Variants in CPQ observed in about 807,000 individuals in gnomAD.
CPQ encodes Ser-Met dipeptidase.
CPQ carries 37 observed loss-of-function variants against 45.7 expected under a neutral mutation model. The observed-to-expected ratio is 0.81, with a 90% CI of 0.62 to 1.07. CPQ has a LOEUF of 1.07. CPQ is among the 50% of genes least tolerant of loss of function. The pLI is 0.00. For missense variants in CPQ, 537 were observed against 572.9 expected (o/e 0.94, Z 0.64); for synonymous variants, 186 against 205.8 (o/e 0.90, Z 0.82).
intron 1 of CPQ, among the ~76,000 whole-genome samples, chr8:96,701,444 G>A (rs759220590): frequency 6.6e-6 from 1 of 152,072 alleles, no homozygotes; most frequent in Non-Finnish European, 1.5e-5. Flanking sequence ...TAGATGGGTG[G>A]GATCTGATGA....
At chr8:97,005,426 G>T (rs1331255081) in intron 5 of CPQ, among the ~76,000 whole-genome samples, 1 of 151,896 alleles carries the variant, frequency 6.6e-6, no homozygotes, top group Non-Finnish European at 1.5e-5. Flanking sequence ...TTGAAGCCAG[G>T]TGCAGTGGCT....
intron 5 of CPQ, among the ~76,000 whole-genome samples, chr8:97,010,824 T>G (rs1164564607): frequency 1.3e-5 from 2 of 152,200 alleles, no homozygotes; most frequent in Admixed American, 6.5e-5. Context: ...AACATCATTT[T>G]GAGTTTTTGT....
At chr8:97,090,607 C>T (rs1255545110) in intron 7 of CPQ, among the ~76,000 whole-genome samples, 1 of 152,168 alleles carries the variant, frequency 6.6e-6, no homozygotes, top group African/African-American at 2.4e-5. Flanking sequence ...TTCCCACACT[C>T]AGAACCTAGG....
At chr8:97,009,982 G>A (rs1809455840) in intron 5 of CPQ, among the ~76,000 whole-genome samples, 1 of 152,094 alleles carries the variant, frequency 6.6e-6, no homozygotes, top group Non-Finnish European at 1.5e-5. Context: ...CTCATTCCTT[G>A]TTTTCCTTGA....
intron 1 of CPQ, among the ~76,000 whole-genome samples, chr8:96,667,351 CTT>C (rs376559950): frequency 9.6e-5 from 13 of 134,976 alleles, no homozygotes; most frequent in Admixed American, 1.5e-4. Flanking sequence ...TTATCTTTTT[CTT>C]TTTTTTTTTT....
chr8:96,742,076 G>A (rs1430141940), intron 1 of CPQ, among the ~76,000 whole-genome samples: 1 of 143,712 alleles, frequency 7.0e-6, no homozygotes, highest in African/African-American at 2.6e-5. Context: ...ACAGTGGGGT[G>A]TTAAAGTCTC....
intron 7 of CPQ, among the ~76,000 whole-genome samples, chr8:97,089,336 G>T (rs918288462): frequency 3.3e-5 from 5 of 151,924 alleles, no homozygotes; most frequent in Non-Finnish European, 5.9e-5. Flanking sequence ...TAAGAAAGTT[G>T]CATTGCTTCT....
intron 1 of CPQ, among the ~76,000 whole-genome samples, chr8:96,685,545 G>A (rs1809216238): frequency 6.6e-6 from 1 of 151,848 alleles, no homozygotes; most frequent in Admixed American, 6.6e-5. Context: ...AACTATATTT[G>A]TGTCTATTTC....
In CPQ at chr8:96,912,182, T is replaced by G. The variant is rs115872855; in HGVS notation, c.849+32177T>G. On this transcript the variant is annotated intron_variant, in intron 4 of 7. Transcript: ENST00000220763. The stretch of plus-strand genomic sequence containing the variant: ...TGGACAAAGGTCATTCAGGATTATT[T>G]TAACATATGAAATGCATTTGTTTTA... 6.8e-3 allele frequency among the ~76,000 whole-genome samples: 1,040 copies of G among 152,368 alleles called. 6 individuals carry two copies. The highest frequency in any genetic ancestry group is 0.021 in the African/African-American group (881 of 41,586).
intron 5 of CPQ, among the ~76,000 whole-genome samples, chr8:96,988,903 A>G (rs1396995786): frequency 1.3e-5 from 2 of 152,150 alleles, no homozygotes; most frequent in African/African-American, 2.4e-5. Context: ...TTCCTTATAT[A>G]TTTATTCTCT....
At chr8:96,794,383 C>G (rs939571002) in intron 2 of CPQ, among the ~76,000 whole-genome samples, 1 of 152,210 alleles carries the variant, frequency 6.6e-6, no homozygotes, top group Non-Finnish European at 1.5e-5. Context: ...TCAGCCACAA[C>G]TAGAGCGACT....
At chr8:96,782,022 T>C (rs1052955852) in intron 1 of CPQ, among the ~76,000 whole-genome samples, 1 of 152,176 alleles carries the variant, frequency 6.6e-6, no homozygotes, top group African/African-American at 2.4e-5. Flanking sequence ...CCTGCACCTA[T>C]GGCTTTGCTG....
At chr8:96,801,684 A>G (rs1045332746) in intron 2 of CPQ, among the ~76,000 whole-genome samples, 1 of 152,144 alleles carries the variant, frequency 6.6e-6, no homozygotes, top group African/African-American at 2.4e-5. Context: ...TTTAAATTCT[A>G]AAAGTGTGGA....
At chr8:96,904,954 A>T (rs889203121) in intron 4 of CPQ, among the ~76,000 whole-genome samples, 1 of 152,160 alleles carries the variant, frequency 6.6e-6, no homozygotes, top group African/African-American at 2.4e-5. Context: ...ATTGGATGAC[A>T]GTAGAGTGCT....
chr8:96,686,014 G>A (rs2455044), intron 1 of CPQ, among the ~76,000 whole-genome samples: 106,355 of 151,374 alleles, frequency 0.7, 37,768 homozygotes, highest in Middle Eastern at 0.82. Context: ...TCCTATTTGC[G>A]TTGTTTGTAT....
chr8:96,664,683 A>G (rs923246549), intron 1 of CPQ, among the ~76,000 whole-genome samples: 2 of 152,188 alleles, frequency 1.3e-5, no homozygotes, highest in African/African-American at 4.8e-5. Context: ...AGTAAGGGTA[A>G]AGGCGTCCTA....
intron 5 of CPQ, 31 bp from the exon 6 acceptor site, chr8:97,029,372 G>A (rs1392281033): frequency 1.9e-6 from 3 of 1,547,918 alleles, no homozygotes; most frequent in Admixed American, 1.9e-5. Context: ...ATCAACTAAA[G>A]TATCACTTTT....
chr8:96,817,588 A>C (rs981227910), intron 2 of CPQ, among the ~76,000 whole-genome samples: 4 of 149,614 alleles, frequency 2.7e-5, no homozygotes, highest in Non-Finnish European at 4.4e-5. Context: ...CTTTCTTATC[A>C]CTCACGTGTT....
chr8:96,741,035 T>A (rs62507287), intron 1 of CPQ, among the ~76,000 whole-genome samples: 311 of 136,096 alleles, frequency 2.3e-3, no homozygotes, highest in South Asian at 3.9e-3. Context: ...ATTGGAATAG[T>A]TTCAGAAGGA....
Sources: allele counts gnomAD v4.1 joint callset (sites outside exome capture counted in the v4.1 genomes callset), GRCh38; gene constraint gnomAD v4.1.1; transcripts MANE v1.5; gene names NCBI Gene and HGNC (gene_info 2026-07-23, HGNC 2026-07-21).